The following PLD1 variants were observed in gnomAD, a reference collection of about 807,000 sequenced individuals.
PLD1 encodes phospholipase D1.
Under a neutral mutation model 137.1 loss-of-function variants are expected in PLD1, and 112 were observed. That is an observed-to-expected ratio of 0.82 (90% CI 0.70 to 0.96). The LOEUF is 0.96. Ranked by LOEUF, PLD1 falls within the 40% of genes least tolerant of loss-of-function variation. PLD1 has a pLI of 0.00. For missense variants in PLD1, 1,321 were observed against 1,342.0 expected (o/e 0.98, Z 0.24); for synonymous variants, 431 against 454.7 (o/e 0.95, Z 0.66).
chr3:171,661,749 A>G (rs1238046362), intron 20 of PLD1, among the ~76,000 whole-genome samples: 1 of 152,228 alleles, frequency 6.6e-6, no homozygotes, highest in Non-Finnish European at 1.5e-5. Context: ...ACCCAAGCGA[A>G]AACAAAACTT....
At position 171,673,316 on chromosome 3, in the gene PLD1, C is replaced by T. The variant is rs183807643; in HGVS notation, c.2229+1184G>A. On this transcript the variant is annotated intron_variant, in intron 19 of 26. Coordinates refer to ENST00000351298, the MANE Select transcript of PLD1 (RefSeq NM_002662.5). ...TTTTTTTTTGAGATGGACTCTTACT[C>T]TGTCACCCAGGCTGGACTGCAGTGG... 2.0e-5 allele frequency among the ~76,000 whole-genome samples: 3 copies of T among 151,886 alleles called. No individual in the cohort carries two copies. In the East Asian group the frequency reaches 5.8e-4, roughly 29 times the overall value.
chr3:171,608,363 TC>T (rs1732378139), intron 25 of PLD1, among the ~76,000 whole-genome samples: 2 of 152,264 alleles, frequency 1.3e-5, no homozygotes, highest in Admixed American at 1.3e-4. Flanking sequence ...CATCTATAAA[TC>T]CGCTATAATT....
chr3:171,705,313 C>T (rs1165851987), intron 11 of PLD1, among the ~76,000 whole-genome samples: 1 of 152,054 alleles, frequency 6.6e-6, no homozygotes, highest in African/African-American at 2.4e-5. Context: ...GCTCAGAGAA[C>T]CCCAAACAGG....
intron 1 of PLD1, among the ~76,000 whole-genome samples, chr3:171,799,007 G>A: frequency 6.6e-6 from 1 of 152,238 alleles, no homozygotes; most frequent in Non-Finnish European, 1.5e-5. Flanking sequence ...AGATTATCTG[G>A]TCTCTGAGCA....
chr3:171,735,274 A>G (rs1719267089), intron 4 of PLD1, among the ~76,000 whole-genome samples: 2 of 152,148 alleles, frequency 1.3e-5, no homozygotes, highest in Non-Finnish European at 2.9e-5. Context: ...ACTACTAACT[A>G]TCACCACGTG....
chr3:171,714,097 A>C (rs1189268905), intron 8 of PLD1, 52 bp from the exon 9 acceptor site: 2 of 1,105,696 alleles, frequency 1.8e-6, no homozygotes, highest in Non-Finnish European at 2.7e-6. Flanking sequence ...AAATAAAACG[A>C]GAAGAACTAA....
At chr3:171,630,330 C>G (rs111376407) in intron 23 of PLD1, among the ~76,000 whole-genome samples, 5,341 of 141,662 alleles carry the variant, frequency 0.038, 349 homozygotes, top group African/African-American at 0.14. Context: ...TCTCACACCA[C>G]TTAGAATGGC....
intron 23 of PLD1, among the ~76,000 whole-genome samples, chr3:171,630,876 AG>A (rs1282536576): frequency 1.6e-5 from 1 of 63,714 alleles, no homozygotes; most frequent in Non-Finnish European, 2.9e-5. Flanking sequence ...GGGTGGGGGG[AG>A]GGGGGAGGGA....
At chr3:171,644,782 A>G (rs80276131) in intron 22 of PLD1, 128 bp downstream of exon 22, 20 of 649,136 alleles carry the variant, frequency 3.1e-5, no homozygotes, top group Non-Finnish European at 5.3e-5. Context: ...CAAGATTTGA[A>G]AGTAAAATAA....
intron 11 of PLD1, among the ~76,000 whole-genome samples, chr3:171,706,120 GTCAGTCTA>G (rs751393401): frequency 1.3e-3 from 125 of 95,652 alleles, no homozygotes; most frequent in South Asian, 3.4e-3. Flanking sequence ...CACCGGGTCA[GTCAGTCTA>G]TCTATCTATC....
At chr3:171,714,076 T>C (rs1451502748) in intron 8 of PLD1, 31 bp from the exon 9 acceptor site, 1 of 1,397,508 alleles carries the variant, frequency 7.2e-7, no homozygotes, top group Non-Finnish European at 1.0e-6. Context: ...TTTTTAAAAG[T>C]TGCATTGAGT....
intron 12 of PLD1, among the ~76,000 whole-genome samples, chr3:171,698,007 T>C (rs1365675401): frequency 6.6e-6 from 1 of 152,134 alleles, no homozygotes; most frequent in Non-Finnish European, 1.5e-5. Flanking sequence ...TAAGCAAAAA[T>C]TTACTAGTAT....
chr3:171,663,189 C>G (rs1229056784), intron 19 of PLD1, among the ~76,000 whole-genome samples: 1 of 152,222 alleles, frequency 6.6e-6, no homozygotes, highest in Non-Finnish European at 1.5e-5. Context: ...TCAGTTTATT[C>G]TTTGGAGGAT....
At chr3:171,776,854 C>T (rs746260855) in intron 1 of PLD1, among the ~76,000 whole-genome samples, 12 of 152,130 alleles carry the variant, frequency 7.9e-5, no homozygotes, top group Non-Finnish European at 1.5e-4. Context: ...AAACTGAAGG[C>T]GCGTGTGATA....
At chr3:171,775,172 A>ATCAAAGATATTTTCTTTGACG (rs532748939) in intron 1 of PLD1, among the ~76,000 whole-genome samples, 1 of 152,178 alleles carries the variant, frequency 6.6e-6, no homozygotes, top group Non-Finnish European at 1.5e-5. Flanking sequence ...GTAACTTGTC[A>ATCAAAGATATTTTCTTTGACG]TCAAAGATAT....
At chr3:171,729,445 C>T (rs2108249529) in intron 6 of PLD1, among the ~76,000 whole-genome samples, 1 of 152,284 alleles carries the variant, frequency 6.6e-6, no homozygotes, top group East Asian at 1.9e-4. Context: ...AATTACTTGG[C>T]AATCACGTAC....
intron 1 of PLD1, among the ~76,000 whole-genome samples, chr3:171,783,386 A>G (rs1451095971): frequency 6.6e-6 from 1 of 152,018 alleles, no homozygotes; most frequent in Non-Finnish European, 1.5e-5. Context: ...GGAGAGAGGC[A>G]AGTAGAGTAA....
chr3:171,681,179 A>C (rs1351705474), intron 16 of PLD1, among the ~76,000 whole-genome samples: 1 of 152,214 alleles, frequency 6.6e-6, no homozygotes. Context: ...AGGTCAGCAA[A>C]ATCTGACCTG....
chr3:171,672,961 T>A (rs1001169381), intron 19 of PLD1, among the ~76,000 whole-genome samples: 1 of 152,254 alleles, frequency 6.6e-6, no homozygotes, highest in Non-Finnish European at 1.5e-5. Context: ...CTTCCTTCAT[T>A]GATTACAAAA....
Sources: gnomAD v4.1 joint callset for allele counts (sites outside exome capture counted in the v4.1 genomes callset) on GRCh38, gnomAD v4.1.1 for gene constraint, MANE v1.5 for transcripts, NCBI Gene and HGNC (gene_info 2026-07-23, HGNC 2026-07-21) for gene names.